PARD3B: variants seen among roughly 807,000 people sequenced by gnomAD.
The protein encoded by PARD3B is partitioning defective 3 homolog B.
PARD3B carries 103 observed loss-of-function variants against 130.2 expected under a neutral mutation model. The observed-to-expected ratio is 0.79, with a 90% CI of 0.67 to 0.93. The LOEUF (loss-of-function observed/expected upper bound fraction) is 0.93, where lower values mean the gene tolerates loss of function less well. PARD3B is among the 40% of genes least tolerant of loss of function. PARD3B has a pLI of 0.00. For missense variants in PARD3B, 1,609 were observed against 1,499.2 expected (o/e 1.07, Z -1.21); for synonymous variants, 583 against 553.2 (o/e 1.05, Z -0.76).
intron 18 of PARD3B, among the ~76,000 whole-genome samples, chr2:205,340,010 A>T (rs1223086090): frequency 1.3e-5 from 2 of 152,168 alleles, no homozygotes; most frequent in Non-Finnish European, 2.9e-5. Context: ...GTGTCCTAAA[A>T]GAGATCTTCC....
At chr2:204,747,405 T>C (rs372908164) in intron 2 of PARD3B, among the ~76,000 whole-genome samples, 7 of 152,174 alleles carry the variant, frequency 4.6e-5, no homozygotes, top group African/African-American at 1.4e-4. Flanking sequence ...AGGGGAACTA[T>C]AAACCACTGC....
chr2:205,615,775 G>GA lies in PARD3B; in HGVS notation c.3581dup (p.Asp1194GlufsTer63). On this transcript the variant is annotated frameshift_variant, in exon 23 of 23. Transcript: ENST00000406610. LOFTEE classifies it high-confidence loss of function. ...AGACCAGTACCCTTACCGAACCCAG[G>GA]ATTCCCGGCAGAAGAACCCCATGAC... The GA allele has an allele frequency of 6.2e-7, 1 of 1,613,942 alleles. No individual in the cohort carries two copies. Among genetic ancestry groups the GA allele is most frequent in the Non-Finnish European group, 8.5e-7 (1 of 1,179,942 alleles).
intron 3 of PARD3B, among the ~76,000 whole-genome samples, chr2:204,998,426 GTA>G (rs200845524): frequency 0.28 from 9,107 of 31,970 alleles, 1,435 homozygotes; most frequent in Non-Finnish European, 0.37. Context: ...GTATATATGT[GTA>G]TATATATGTG....
intron 20 of PARD3B, among the ~76,000 whole-genome samples, chr2:205,479,318 A>G (rs933031936): frequency 2.6e-5 from 4 of 152,134 alleles, no homozygotes; most frequent in African/African-American, 9.7e-5. Context: ...ACAAAAACTC[A>G]TTTATTGAAC....
At chr2:205,255,786 C>A (rs1414973911) in intron 16 of PARD3B, among the ~76,000 whole-genome samples, 1 of 152,164 alleles carries the variant, frequency 6.6e-6, no homozygotes, top group Non-Finnish European at 1.5e-5. Context: ...AGCTTCCATG[C>A]ACTCTCTCCA....
chr2:205,525,181 C>T lies in PARD3B; in HGVS notation c.3180+25150C>T, dbSNP rs1302312458. 1.3e-5 allele frequency among the ~76,000 whole-genome samples: 2 copies of T among 152,052 alleles called. No individual in the cohort carries two copies. The highest frequency in any genetic ancestry group is 4.8e-5 in the African/African-American group (2 of 41,400). On this transcript the variant is annotated intron_variant, in intron 21 of 22. Transcript: ENST00000406610. This position sits in a 1 kb window ranked among gnomAD's most constrained non-coding sequence, Gnocchi z 4.2. The stretch of plus-strand genomic sequence containing the variant: ...CTGGAAAATACTAGGGCTTTTTTCC[C>T]CTCCTACATGGTTAACTCCTAATTT...
chr2:205,609,720 A>G (rs545814117), intron 22 of PARD3B, among the ~76,000 whole-genome samples: 11 of 152,352 alleles, frequency 7.2e-5, no homozygotes, highest in African/African-American at 2.4e-4. Flanking sequence ...CATGGTTTTT[A>G]TACTTTCTGC....
chr2:205,064,692 G>A (rs185217112), intron 4 of PARD3B, among the ~76,000 whole-genome samples: 11 of 152,266 alleles, frequency 7.2e-5, no homozygotes, highest in African/African-American at 2.2e-4. Context: ...AGTGAGTGCC[G>A]TAAGTTCAGG....
intron 18 of PARD3B, among the ~76,000 whole-genome samples, chr2:205,380,086 G>A (rs2045257683): frequency 7.9e-6 from 1 of 126,954 alleles, no homozygotes; most frequent in Admixed American, 9.7e-5. Flanking sequence ...AAAAAAATAT[G>A]TATATATATG....
At chr2:205,580,460 T>C (rs990707927) in intron 22 of PARD3B, among the ~76,000 whole-genome samples, 4 of 152,174 alleles carry the variant, frequency 2.6e-5, no homozygotes, top group African/African-American at 9.7e-5. Flanking sequence ...GGAGGGCATG[T>C]TGATATTGCT....
intron 1 of PARD3B, among the ~76,000 whole-genome samples, chr2:204,665,110 GTT>G (rs529224250): frequency 7.2e-6 from 1 of 139,710 alleles, no homozygotes. Flanking sequence ...TCTTGTTTTT[GTT>G]TTTTTTTTTG....
In PARD3B at chr2:204,890,412, T is replaced by G. The variant is rs58745319; in HGVS notation, c.223-74740T>G. ...CCCTAGTCAAGAAGTTTCATTTGCC[T>G]CCACATTCAAGGGTGGGAGTATCTC... On this transcript the variant is annotated intron_variant, in intron 2 of 22. Transcript: ENST00000406610. The surrounding 1 kb of genome is among the most constrained non-coding windows in gnomAD (Gnocchi z 4.9). Among the ~76,000 whole-genome samples the G allele has an allele frequency of 6.6e-3, 1,008 of 152,312 alleles. 7 individuals are homozygous for G. The highest frequency in any genetic ancestry group is 0.023 in the African/African-American group (946 of 41,572).
intron 2 of PARD3B, among the ~76,000 whole-genome samples, chr2:204,701,469 A>T (rs945421635): frequency 6.6e-6 from 1 of 152,150 alleles, no homozygotes; most frequent in East Asian, 1.9e-4. Context: ...CATTTGTTTT[A>T]TAGGTGATTA....
chr2:204,550,505 A>G (rs934654310), intron 1 of PARD3B, among the ~76,000 whole-genome samples: 13 of 151,788 alleles, frequency 8.6e-5, no homozygotes, highest in Non-Finnish European at 4.4e-5. Context: ...GAGGATGTAT[A>G]GTGTGTTCTG....
At chr2:205,451,687 G>GGT (rs1050477053) in intron 20 of PARD3B, among the ~76,000 whole-genome samples, 83 of 131,864 alleles carry the variant, frequency 6.3e-4, no homozygotes, top group African/African-American at 2.6e-3. Flanking sequence ...TTATGTAATA[G>GGT]GTATATATAT....
chr2:205,088,862 C>T (rs1002234219), intron 4 of PARD3B, among the ~76,000 whole-genome samples: 4 of 150,602 alleles, frequency 2.7e-5, no homozygotes, highest in South Asian at 4.2e-4. Flanking sequence ...GGCCTGATCT[C>T]AGCTCACTGC....
intron 3 of PARD3B, among the ~76,000 whole-genome samples, chr2:204,990,741 C>A (rs1191096361): frequency 6.6e-6 from 1 of 152,090 alleles, no homozygotes; most frequent in South Asian, 2.1e-4. Context: ...TTAATAGAGT[C>A]AACATTTTTA....
chr2:205,302,433 G>A (rs1231220726), intron 18 of PARD3B, among the ~76,000 whole-genome samples: 1 of 152,108 alleles, frequency 6.6e-6, no homozygotes, highest in African/African-American at 2.4e-5. Flanking sequence ...GGAGGCTGAG[G>A]CCAGAGCATG....
intron 3 of PARD3B, among the ~76,000 whole-genome samples, chr2:204,977,811 C>CA (rs35974349): frequency 0.44 from 26,012 of 58,880 alleles, 5,843 homozygotes; most frequent in Non-Finnish European, 0.54. Context: ...GACTCCGGCT[C>CA]AAAAAAAAAA....
Sources: allele counts gnomAD v4.1 joint callset (sites outside exome capture counted in the v4.1 genomes callset), GRCh38; gene constraint gnomAD v4.1.1; non-coding constraint Gnocchi (gnomAD v3.1); transcripts MANE v1.5; gene names NCBI Gene and HGNC (gene_info 2026-07-23, HGNC 2026-07-21).